PCCA: variants seen among roughly 807,000 people sequenced by gnomAD.
PCCA encodes propionyl-CoA carboxylase subunit alpha, also known as propionyl-CoA carboxylase alpha chain, mitochondrial.
PCCA carries 74 observed loss-of-function variants against 101.3 expected under a neutral mutation model. The ratio of observed to expected loss-of-function variants is 0.73; its 90% confidence interval spans 0.61 to 0.89. The LOEUF is 0.89. Ranked by LOEUF, PCCA falls within the 40% of genes least tolerant of loss-of-function variation. The pLI is 0.00. For synonymous variants in PCCA, 294 were observed against 313.6 expected (o/e 0.94, Z 0.66); for missense variants, 891 against 907.0 (o/e 0.98, Z 0.23).
At chr13:100,248,561 C>A (rs368746089) in intron 8 of PCCA, among the ~76,000 whole-genome samples, 1 of 152,128 alleles carries the variant, frequency 6.6e-6, no homozygotes, top group Admixed American at 6.6e-5. Context: ...TATTGAGCAT[C>A]TTTTCATGCT....
intron 8 of PCCA, among the ~76,000 whole-genome samples, chr13:100,245,239 T>G (rs2061368699): frequency 1.3e-5 from 2 of 152,168 alleles, no homozygotes; most frequent in South Asian, 4.1e-4. Flanking sequence ...CCCCAATTTG[T>G]TTGAATTTAA....
intron 16 of PCCA, among the ~76,000 whole-genome samples, chr13:100,320,155 G>T (rs969321311): frequency 6.6e-6 from 1 of 152,192 alleles, no homozygotes; most frequent in Non-Finnish European, 1.5e-5. Flanking sequence ...AAGAATGCTT[G>T]TGATTTTTGC....
intron 4 of PCCA, among the ~76,000 whole-genome samples, chr13:100,153,798 T>G (rs551605177): frequency 1.6e-4 from 24 of 152,202 alleles, no homozygotes; most frequent in Non-Finnish European, 3.1e-4. Context: ...TGTATATATT[T>G]GGATATTTTA....
At chr13:100,227,770 T>C (rs114080083) in intron 7 of PCCA, among the ~76,000 whole-genome samples, 6 of 152,268 alleles carry the variant, frequency 3.9e-5, no homozygotes, top group East Asian at 3.9e-4. Context: ...CTTAGAAGAA[T>C]AGAATAAAAT....
chr13:100,119,341 G>A lies in PCCA; in HGVS notation c.300+7280G>A, dbSNP rs569660131. 2.0e-5 allele frequency among the ~76,000 whole-genome samples: 3 copies of A among 151,498 alleles called. No individual in the cohort carries two copies. In the South Asian group the frequency reaches 6.3e-4, roughly 32 times the overall value. The stretch of plus-strand genomic sequence containing the variant: ...TGTTTCCTCGCATGTTTAAATTTTG[G>A]TGTGTGATTCTATGTTTGGTGCTTT... On this transcript the variant is annotated intron_variant, in intron 4 of 23. Transcript: ENST00000376285.
chr13:100,121,945 A>G (rs529960855), intron 4 of PCCA, among the ~76,000 whole-genome samples: 1 of 152,334 alleles, frequency 6.6e-6, no homozygotes, highest in Admixed American at 6.5e-5. Context: ...TTAGGGGGAA[A>G]GCATTCAGCA....
chr13:100,354,282 AAAG>A (rs1371018623), intron 18 of PCCA, among the ~76,000 whole-genome samples: 3 of 146,924 alleles, frequency 2.0e-5, no homozygotes, highest in Middle Eastern at 3.4e-3. Flanking sequence ...CTGTTGAAAG[AAAG>A]AAGGAGAGAG....
At chr13:100,184,768 A>T (rs1487714367) in intron 6 of PCCA, among the ~76,000 whole-genome samples, 1 of 152,166 alleles carries the variant, frequency 6.6e-6, no homozygotes, top group Admixed American at 6.5e-5. Flanking sequence ...ACGAAGTATT[A>T]CTCTGCTTTT....
At position 100,506,240 on chromosome 13, in the gene PCCA, C is replaced by T. The variant is rs986006562; in HGVS notation, c.1900-9187C>T. On this transcript the variant is annotated intron_variant, in intron 21 of 23. Transcript: ENST00000376285. The stretch of plus-strand genomic sequence containing the variant: ...CACCTTCAGCATCGTGTGTTCTGTA[C>T]ACAGCACAGCATGAGGGTGCCAGCA... Among the ~76,000 whole-genome samples, 13 of 152,134 alleles carry T rather than the reference C, an allele frequency of 8.5e-5. No individual in the cohort carries two copies. In the East Asian group the frequency reaches 1.2e-3, roughly 14 times the overall value.
Position 100,517,755 on chromosome 13 carries a change from G to C in PCCA, c.2040+2188G>C, listed in dbSNP as rs187029552. ...TTCATATTCTGTGCCATTGTGTTTT[G>C]ATGAAACAGCCTTTTCTCTTGAATT... is the stretch of plus-strand genomic sequence containing the variant. On this transcript the variant is annotated intron_variant, in intron 22 of 23. Coordinates refer to ENST00000376285, the MANE Select transcript of PCCA (RefSeq NM_000282.4). 1.6e-4 allele frequency among the ~76,000 whole-genome samples: 25 copies of C among 152,192 alleles called. 1 individual carries two copies. The East Asian group carries it at 4.8e-3, about 29-fold the overall frequency.
At chr13:100,362,909 T>C (rs933119556) in intron 18 of PCCA, among the ~76,000 whole-genome samples, 5 of 152,188 alleles carry the variant, frequency 3.3e-5, no homozygotes, top group East Asian at 1.9e-4. Context: ...TTCCTAGCTT[T>C]GAAGAGGTTC....
intron 7 of PCCA, among the ~76,000 whole-genome samples, chr13:100,223,116 A>AG (rs377678311): frequency 3.9e-4 from 59 of 151,920 alleles, no homozygotes; most frequent in African/African-American, 1.4e-3. Context: ...GCAGAGTGAA[A>AG]GGCATGCACA....
chr13:100,293,754 T>C lies in PCCA; in HGVS notation c.1066-7706T>C, dbSNP rs904078970. 2.6e-5 allele frequency among the ~76,000 whole-genome samples: 4 copies of C among 152,290 alleles called. No individual in the cohort carries two copies. In the East Asian group the frequency reaches 7.7e-4, roughly 29 times the overall value. On this transcript the variant is annotated intron_variant, in intron 12 of 23. Coordinates refer to ENST00000376285, the MANE Select transcript of PCCA (RefSeq NM_000282.4). The stretch of plus-strand genomic sequence containing the variant: ...TTTGGCATGTTTTGTTCTGGGAAAC[T>C]GAGGATAGAAGGTAGGATGTGTTAT...
Position 100,394,423 on chromosome 13 carries a change from G to A in PCCA, c.1746+25849G>A, listed in dbSNP as rs554012870. ...CAGCGCTGGTTCTTGGTGGCAGTCA[G>A]AGGTCTGTGGAATGGATCTCTGTCA... is the stretch of plus-strand genomic sequence containing the variant. On this transcript the variant is annotated intron_variant, in intron 19 of 23. Coordinates refer to ENST00000376285, the MANE Select transcript of PCCA (RefSeq NM_000282.4). The surrounding 1 kb of genome is among the most constrained non-coding windows in gnomAD (Gnocchi z 4.3). Among the ~76,000 whole-genome samples, 1 of 152,248 alleles carries A rather than the reference G, an allele frequency of 6.6e-6. No homozygotes were observed. Among genetic ancestry groups the A allele is most frequent in the African/African-American group, 2.4e-5 (1 of 41,554 alleles).
chr13:100,522,461 G>A (rs772799001), intron 22 of PCCA, among the ~76,000 whole-genome samples: 1 of 152,150 alleles, frequency 6.6e-6, no homozygotes, highest in Non-Finnish European at 1.5e-5. Flanking sequence ...AAAGCCATAT[G>A]CCACTGGCAC....
intron 21 of PCCA, among the ~76,000 whole-genome samples, chr13:100,476,526 G>A (rs905372356): frequency 6.6e-6 from 1 of 152,136 alleles, no homozygotes; most frequent in East Asian, 1.9e-4. Flanking sequence ...CAGAAGTGAG[G>A]AAGAGAAAGT....
At chr13:100,217,274 G>A (rs867206844) in intron 7 of PCCA, among the ~76,000 whole-genome samples, 25 of 151,560 alleles carry the variant, frequency 1.6e-4, no homozygotes, top group Middle Eastern at 3.4e-3. Context: ...ATGAAACCCC[G>A]TCTCTACTAA....
chr13:100,455,340 G>A (rs537718992), intron 21 of PCCA, among the ~76,000 whole-genome samples: 10 of 152,238 alleles, frequency 6.6e-5, no homozygotes, highest in Middle Eastern at 3.4e-3. Context: ...CCTGCACAAG[G>A]AACTAACATC....
intron 19 of PCCA, among the ~76,000 whole-genome samples, chr13:100,389,655 CA>C (rs1026071563): frequency 6.6e-6 from 1 of 151,572 alleles, no homozygotes; most frequent in Admixed American, 6.6e-5. Context: ...ACACACACAC[CA>C]AAAAAAAGCA....
Sources: allele counts gnomAD v4.1 joint callset (sites outside exome capture counted in the v4.1 genomes callset), GRCh38; gene constraint gnomAD v4.1.1; non-coding constraint Gnocchi (gnomAD v3.1); transcripts MANE v1.5; gene names NCBI Gene and HGNC (gene_info 2026-07-23, HGNC 2026-07-21).